The following MRPS18B variants were observed in gnomAD, a reference collection of about 807,000 sequenced individuals.
MRPS18B encodes the protein small ribosomal subunit protein mS40.
A neutral mutation model predicts 28.4 loss-of-function variants in MRPS18B; 27 were observed. That is an observed-to-expected ratio of 0.95 (90% CI 0.70 to 1.31). The LOEUF (loss-of-function observed/expected upper bound fraction) is 1.31. Among genes scored for constraint, MRPS18B ranks in the 40% most tolerant of loss-of-function variants. MRPS18B has a pLI of 0.00. For synonymous variants in MRPS18B, 118 were observed against 123.7 expected (o/e 0.95, Z 0.30); for missense variants, 343 against 335.9 (o/e 1.02, Z -0.17).
chr6:30,622,561 CAAAAAAA>C (rs554297101), intron 4 of MRPS18B, among the ~76,000 whole-genome samples: 15 of 28,592 alleles, frequency 5.2e-4, no homozygotes, highest in Admixed American at 2.2e-3. Context: ...GACTCTGTCT[CAAAAAAA>C]AAAAAAAAAA....
chr6:30,623,031 C>A (rs1761267042), intron 5 of MRPS18B, 133 bp downstream of exon 5: 2 of 883,102 alleles, frequency 2.3e-6, no homozygotes, highest in Non-Finnish European at 3.5e-6. Flanking sequence ...TTTTGGAAAT[C>A]TTGGCTTGCT....
At chr6:30,624,807 C>G (rs1761382085) in intron 5 of MRPS18B, 76 bp from the exon 6 acceptor site, 2 of 1,533,442 alleles carry the variant, frequency 1.3e-6, no homozygotes, top group African/African-American at 1.4e-5. Context: ...CAATCTACCC[C>G]TCTGTCACCA....
At chr6:30,624,735 G>C in intron 5 of MRPS18B, 148 bp from the exon 6 acceptor site, 1 of 726,740 alleles carries the variant, frequency 1.4e-6, no homozygotes, top group Non-Finnish European at 2.2e-6. Flanking sequence ...TGGGCAGATG[G>C]GGAAACTGAG....
intron 4 of MRPS18B, among the ~76,000 whole-genome samples, chr6:30,620,673 G>A (rs928330395): frequency 6.6e-6 from 1 of 151,914 alleles, no homozygotes; most frequent in East Asian, 1.9e-4. Flanking sequence ...GGGTTCAAGC[G>A]ATTCTCCCGC....
intron 6 of MRPS18B, among the ~76,000 whole-genome samples, 194 bp downstream of exon 6, chr6:30,625,136 C>T (rs1301174677): frequency 2.0e-5 from 3 of 152,194 alleles, no homozygotes; most frequent in African/African-American, 7.2e-5. Flanking sequence ...TGTTCTTTGT[C>T]TTTCCATCCT....
chr6:30,619,385 T>C, intron 1 of MRPS18B, 108 bp from the exon 2 acceptor site: 1 of 826,626 alleles, frequency 1.2e-6, no homozygotes, highest in South Asian at 1.6e-5. Flanking sequence ...TCCTGTTATA[T>C]TCCATTAATG....
intron 1 of MRPS18B, among the ~76,000 whole-genome samples, chr6:30,618,868 A>T (rs1760935064): frequency 6.6e-6 from 1 of 151,630 alleles, no homozygotes; most frequent in South Asian, 2.1e-4. Flanking sequence ...TTATTCTTCC[A>T]CCAGAGTCAA....
At position 30,624,921 on chromosome 6, in the gene MRPS18B, A is replaced by G; in HGVS notation, c.460A>G (p.Ile154Val). 6.2e-7 allele frequency: 1 copy of G among 1,613,084 alleles called. No individual in the cohort carries two copies. The highest frequency in any genetic ancestry group is 8.5e-7 in the Non-Finnish European group (1 of 1,179,996). The change falls in exon 6 of 7, where the codon ATC becomes GTC. Residue 154 changes from isoleucine (I) to valine (V), a missense_variant. Transcript: ENST00000259873. Reference sequence around the variant, plus strand: ...GCAGCACAAGCGGTTGACCCAGGCCATCCAGAAAGCCAGGGATCATGGTGA... The same window carrying G: ...GCAGCACAAGCGGTTGACCCAGGCCGTCCAGAAAGCCAGGGATCATGGTGA... The part of the protein sequence containing the change: ...VKQHKRLTQA[I>V]QKARDHGLLI...
chr6:30,623,106 T>C (rs1761273333), intron 5 of MRPS18B, among the ~76,000 whole-genome samples: 1 of 152,208 alleles, frequency 6.6e-6, no homozygotes, highest in African/African-American at 2.4e-5. Context: ...TGGTGGCTCA[T>C]GCCTGTAATC....
rs1761252394 is a variant in MRPS18B, at chr6:30,622,868, A to G, written c.391A>G (p.Thr131Ala). ...KLLEQFVCAH[T>A]GIIFYAPYTG... Reference sequence around the variant, plus strand: ...CTTGGAGCAATTTGTCTGCGCCCACACGGGTATCATCTTCTATGCTCCATA... The same window carrying G: ...CTTGGAGCAATTTGTCTGCGCCCACGCGGGTATCATCTTCTATGCTCCATA... Residue 131 changes from threonine (T) to alanine (A), a missense_variant, in exon 5 of 7, where the codon ACG (threonine) becomes GCG (alanine). Transcript: ENST00000259873. 1 of 1,613,040 alleles carries G rather than the reference A, an allele frequency of 6.2e-7. No individual in the cohort carries two copies. Among genetic ancestry groups the G allele is most frequent in the Non-Finnish European group, 8.5e-7 (1 of 1,180,020 alleles).
At chr6:30,618,024 C>CG (rs1760834376) in intron 1 of MRPS18B, 81 bp downstream of exon 1, 11 of 1,447,414 alleles carry the variant, frequency 7.6e-6, no homozygotes, top group African/African-American at 1.4e-5. Flanking sequence ...CAGGAATCCA[C>CG]GAGTGGAGAC....
chr6:30,620,311 C>T (rs1055888664), intron 4 of MRPS18B, among the ~76,000 whole-genome samples: 6 of 149,296 alleles, frequency 4.0e-5, no homozygotes, highest in African/African-American at 9.9e-5. Context: ...AGTGAGACTC[C>T]GTCTCAAAAA....
At chr6:30,617,982 G>A (rs754814261) in intron 1 of MRPS18B, 39 bp downstream of exon 1, 4 of 1,608,388 alleles carry the variant, frequency 2.5e-6, no homozygotes, top group Non-Finnish European at 3.4e-6. Flanking sequence ...CCTCAAGTTG[G>A]TTATACCTTC....
At chr6:30,622,763 CG>C in intron 4 of MRPS18B, 68 bp from the exon 5 acceptor site, 1 of 1,465,244 alleles carries the variant, frequency 6.8e-7, no homozygotes, top group Non-Finnish European at 9.5e-7. Context: ...TGTGTACTTT[CG>C]ATGTCCAAAG....
At position 30,621,102 on chromosome 6, in the gene MRPS18B, A is replaced by G. The variant is rs374178537; in HGVS notation, c.354+1113A>G. On this transcript the variant is annotated intron_variant, in intron 4 of 6. Coordinates refer to ENST00000259873, the MANE Select transcript of MRPS18B (RefSeq NM_014046.4). ...GAGAAGGACAGGATTTGCTCCTTAA[A>G]GAATTTGAAAACATATTGGCTGGGT... Among the ~76,000 whole-genome samples, 9 of 152,360 alleles carry G rather than the reference A, an allele frequency of 5.9e-5. No homozygotes were observed. In the South Asian group the frequency reaches 1.9e-3, roughly 32 times the overall value.
intron 4 of MRPS18B, 28 bp downstream of exon 4, chr6:30,620,017 A>G (rs889600846): frequency 3.7e-6 from 6 of 1,606,150 alleles, no homozygotes; most frequent in Non-Finnish European, 5.1e-6. Context: ...TTTTTAGGGT[A>G]AGAAAAATAA....
chr6:30,617,917 C>G lies in MRPS18B; in HGVS notation c.52C>G (p.Leu18Val), dbSNP rs116707717. 7.0e-4 allele frequency: 1,133 copies of G among 1,614,230 alleles called. 9 individuals carry two copies. The African/African-American group carries it at 0.014, about 20-fold the overall frequency. The change falls in exon 1 of 7, where the codon CTC becomes GTC. Residue 18 changes from leucine (L) to valine (V), a missense_variant. Physicochemically the swap from Leu to Val is conservative, Grantham distance 32. Coordinates refer to ENST00000259873, the MANE Select transcript of MRPS18B (RefSeq NM_014046.4). ...GCTGAGGCGGCTTCCTATGCTATCT[C>G]TCTTCCGAGGTTCTCACAGAGTTCA... The part of the protein sequence containing the change: ...TVLRRLPMLS[L>V]FRGSHRVQVP...
chr6:30,624,850 G>T, intron 5 of MRPS18B, 33 bp from the exon 6 acceptor site: 1 of 1,609,752 alleles, frequency 6.2e-7, no homozygotes, highest in Non-Finnish European at 8.5e-7. Context: ...TATTTACTGT[G>T]CCTTAAAGAA....
At position 30,619,733 on chromosome 6, in the gene MRPS18B, G is replaced by T; in HGVS notation, c.212G>T (p.Arg71Leu). ...SEEYQERYGS[R>L]PVWADYRRNH... ...GAATACCAGGAGCGATATGGTTCTC[G>T]CCCCGTCTGGGCTGACTACCGCCGC... is the stretch of plus-strand genomic sequence containing the variant. The change falls in exon 3 of 7, where the codon CGC (arginine) becomes CTC (leucine). Residue 71 changes from arginine (R) to leucine (L), a missense_variant. Physicochemically the swap from Arg to Leu is moderately radical, Grantham distance 102. Transcript: ENST00000259873. 6.2e-7 allele frequency: 1 copy of T among 1,614,094 alleles called. No individual in the cohort carries two copies. Among genetic ancestry groups the T allele is most frequent in the Non-Finnish European group, 8.5e-7 (1 of 1,180,020 alleles).
Sources: allele counts gnomAD v4.1 joint callset (sites outside exome capture counted in the v4.1 genomes callset), GRCh38; gene constraint gnomAD v4.1.1; transcripts MANE v1.5; gene names NCBI Gene and HGNC (gene_info 2026-07-23, HGNC 2026-07-21).